MRPS31: variants seen among roughly 807,000 people sequenced by gnomAD.
The protein encoded by MRPS31 is mitochondrial ribosomal protein S31, also known as small ribosomal subunit protein mS31.
A neutral mutation model predicts 43.1 loss-of-function variants in MRPS31; 32 were observed. The ratio of observed to expected loss-of-function variants is 0.74; its 90% CI spans 0.56 to 1.00. MRPS31 has a LOEUF of 1.00. MRPS31 is among the 50% of genes least tolerant of loss of function. The pLI is 0.00. For synonymous variants in MRPS31, 165 were observed against 161.6 expected (o/e 1.02, Z -0.16); for missense variants, 437 against 466.7 (o/e 0.94, Z 0.59).
intron 6 of MRPS31, among the ~76,000 whole-genome samples, chr13:40,747,672 G>C (rs1453059141): frequency 6.6e-6 from 1 of 152,160 alleles, no homozygotes; most frequent in Non-Finnish European, 1.5e-5. Context: ...GAGGTCTGGA[G>C]TTTGAGACCA....
chr13:40,762,809 TG>T, intron 2 of MRPS31, among the ~76,000 whole-genome samples: 1 of 149,760 alleles, frequency 6.7e-6, no homozygotes, highest in Admixed American at 6.7e-5. Context: ...TGTGTGTGTG[TG>T]TGTGTGTGTG....
At position 40,758,979 on chromosome 13, in the gene MRPS31, C is replaced by T. The variant is rs1166898229; in HGVS notation, c.568G>A (p.Ala190Thr). The T allele has an allele frequency of 6.2e-7, 1 of 1,605,764 alleles. No homozygotes were observed. The change falls in exon 3 of 7, where the codon GCA becomes ACA. Residue 190 changes from alanine (A) to threonine (T), a missense_variant. Ala to Thr is a moderately conservative substitution (Grantham distance 58). Transcript: ENST00000323563. ...QLQQHEEESRAQRDAKRPKIS... is the reference protein window; with the variant it reads ...QLQQHEEESRTQRDAKRPKIS... ...TTAGGTCGCTTTGCATCTCTCTGTG[C>T]CCTTGACTCTTCCTCATGCTGCTGG... is the stretch of plus-strand genomic sequence containing the variant.
At chr13:40,768,387 C>A (rs1438929640) in intron 1 of MRPS31, among the ~76,000 whole-genome samples, 3 of 139,442 alleles carry the variant, frequency 2.2e-5, no homozygotes, top group African/African-American at 8.6e-5. Flanking sequence ...GCACTGACCT[C>A]CAACAGGCAT....
intron 5 of MRPS31, among the ~76,000 whole-genome samples, chr13:40,750,420 T>C (rs1880353862): frequency 1.3e-5 from 2 of 152,052 alleles, no homozygotes; most frequent in South Asian, 4.1e-4. Context: ...AAGGAAACTT[T>C]GGAGGGTCAT....
At chr13:40,761,963 T>A (rs1025248718) in intron 2 of MRPS31, among the ~76,000 whole-genome samples, 2 of 150,674 alleles carry the variant, frequency 1.3e-5, no homozygotes, top group Non-Finnish European at 3.0e-5. Flanking sequence ...AATAAACAGC[T>A]GGGCATGGTG....
intron 2 of MRPS31, among the ~76,000 whole-genome samples, chr13:40,761,281 A>G (rs945485446): frequency 3.9e-5 from 6 of 152,046 alleles, no homozygotes; most frequent in Non-Finnish European, 8.8e-5. Flanking sequence ...AAAAAAAAGA[A>G]AAGAAAAATA....
At chr13:40,735,476 C>A (rs1433543167) in intron 6 of MRPS31, among the ~76,000 whole-genome samples, 5 of 152,150 alleles carry the variant, frequency 3.3e-5, no homozygotes, top group Admixed American at 1.3e-4. Context: ...CCTCTGGGGG[C>A]AGGGCGCAGA....
intron 6 of MRPS31, among the ~76,000 whole-genome samples, chr13:40,739,098 T>A (rs1880007142): frequency 6.6e-6 from 1 of 152,178 alleles, no homozygotes; most frequent in Non-Finnish European, 1.5e-5. Context: ...AGTCTCAGGA[T>A]ACAAAATCAA....
At chr13:40,760,147 A>C (rs983204193) in intron 2 of MRPS31, among the ~76,000 whole-genome samples, 4 of 148,242 alleles carry the variant, frequency 2.7e-5, no homozygotes, top group Non-Finnish European at 4.4e-5. Context: ...AAAAAAAAAA[A>C]AAAAAAAAAC....
chr13:40,732,450 T>C (rs1268414136), intron 6 of MRPS31, among the ~76,000 whole-genome samples: 1 of 152,194 alleles, frequency 6.6e-6, no homozygotes, highest in African/African-American at 2.4e-5. Context: ...AACATGTGCA[T>C]GGGCAGGGGA....
intron 1 of MRPS31, among the ~76,000 whole-genome samples, chr13:40,768,001 T>C (rs2138020417): frequency 6.6e-6 from 1 of 152,332 alleles, no homozygotes. Context: ...AGAAATGTCA[T>C]TTGTGCTTTC....
chr13:40,756,283 G>A (rs12585336), intron 4 of MRPS31, among the ~76,000 whole-genome samples: 6,850 of 152,238 alleles, frequency 0.045, 316 homozygotes, highest in East Asian at 0.14. Flanking sequence ...GAACAGAAAC[G>A]TTATGCAAAT....
At chr13:40,768,126 G>A (rs561279396) in intron 1 of MRPS31, among the ~76,000 whole-genome samples, 5 of 152,148 alleles carry the variant, frequency 3.3e-5, no homozygotes, top group Admixed American at 2.0e-4. Flanking sequence ...ATTCTGTGGG[G>A]TTAAAAATTT....
intron 6 of MRPS31, among the ~76,000 whole-genome samples, chr13:40,736,152 G>A (rs9577132): frequency 2.0e-5 from 3 of 147,680 alleles, no homozygotes; most frequent in Admixed American, 1.3e-4. Flanking sequence ...CTCAGGAGCC[G>A]ATGCGATCAA....
At position 40,747,532 on chromosome 13, in the gene MRPS31, T is replaced by C. The variant is rs567053628; in HGVS notation, c.958+1606A>G. On this transcript the variant is annotated intron_variant, in intron 6 of 6. Transcript: ENST00000323563. ...CACAGAAACCATACTTTAAGCAATA[T>C]ACAGTTTATGTAATACATGAAACAC... Among the ~76,000 whole-genome samples, 9 of 152,290 alleles carry C rather than the reference T, an allele frequency of 5.9e-5. No homozygotes were observed. In the South Asian group the frequency reaches 1.0e-3, roughly 18 times the overall value.
chr13:40,746,988 T>G (rs1187840870), intron 6 of MRPS31, among the ~76,000 whole-genome samples: 8 of 152,304 alleles, frequency 5.3e-5, no homozygotes. Flanking sequence ...TGTAACTTAC[T>G]CAGGATCTGG....
At position 40,749,084 on chromosome 13, in the gene MRPS31, G is replaced by T; in HGVS notation, c.958+54C>A. 5 of 1,521,834 alleles carry T rather than the reference G, an allele frequency of 3.3e-6. No homozygotes were observed. The South Asian group carries it at 3.9e-5, about 12-fold the overall frequency. The allele number at this position is 1,521,834 out of a possible 1,614,324, so 94.3% of individuals were successfully genotyped here. ...ATCTATACTCTAAAAGTAAATATCT[G>T]GCAGAAATAATCTCAATCAATACGT... On this transcript the variant is annotated intron_variant, in intron 6 of 6. Transcript: ENST00000323563.
intron 6 of MRPS31, among the ~76,000 whole-genome samples, chr13:40,736,147 G>A (rs201528345): frequency 0.03 from 4,490 of 150,584 alleles, 274 homozygotes; most frequent in East Asian, 0.27. Flanking sequence ...GAAGCCTCAG[G>A]AGCCGATGCG....
intron 6 of MRPS31, among the ~76,000 whole-genome samples, chr13:40,733,690 T>C (rs1457003816): frequency 6.6e-6 from 1 of 152,130 alleles, no homozygotes; most frequent in Non-Finnish European, 1.5e-5. Flanking sequence ...GTGGAGTGGC[T>C]GGGCACGTGG....
Sources: allele counts gnomAD v4.1 joint callset (sites outside exome capture counted in the v4.1 genomes callset), GRCh38; gene constraint gnomAD v4.1.1; transcripts MANE v1.5; gene names NCBI Gene and HGNC (gene_info 2026-07-23, HGNC 2026-07-21).